Variants in CDIP1 observed in about 807,000 individuals in gnomAD.
CDIP1 encodes the protein cell death inducing p53 target 1.
A neutral mutation model predicts 17.7 loss-of-function variants in CDIP1; 9 were observed. The observed-to-expected ratio is 0.51, with a 90% CI of 0.31 to 0.89. The LOEUF is 0.89. Ranked by LOEUF, CDIP1 falls within the 40% of genes least tolerant of loss-of-function variation. The pLI is 0.05. For synonymous variants in CDIP1, 117 were observed against 109.5 expected, an observed-to-expected ratio of 1.07 and a Z score of -0.43; for missense variants, 263 against 277.9, an observed-to-expected ratio of 0.95 and a Z score of 0.38.
intron 1 of CDIP1, among the ~76,000 whole-genome samples, chr16:4,530,648 C>CAAAAAAAAA (rs71139637): frequency 6.9e-6 from 1 of 143,960 alleles, no homozygotes; most frequent in South Asian, 2.2e-4. Flanking sequence ...GACTCCATCT[C>CAAAAAAAAA]AAAAAAAAAA....
At chr16:4,534,697 T>G (rs960911029) in intron 1 of CDIP1, among the ~76,000 whole-genome samples, 4 of 148,678 alleles carry the variant, frequency 2.7e-5, no homozygotes, top group Non-Finnish European at 4.4e-5. Flanking sequence ...ATGGTTTTTT[T>G]TTTTTTTTTT....
At chr16:4,536,870 C>A (rs1214872582) in intron 1 of CDIP1, 1 of 151,882 alleles carries the variant, frequency 6.6e-6, no homozygotes, top group Middle Eastern at 3.2e-3. Context: ...TTCAAGGCTG[C>A]AGTGAACGTC....
chr16:4,526,729 AAAAAATAAAATAAAAATAAAATT>A (rs1438936897), intron 1 of CDIP1, among the ~76,000 whole-genome samples: 2 of 150,674 alleles, frequency 1.3e-5, no homozygotes, highest in African/African-American at 2.4e-5. Flanking sequence ...AAAATAAAAT[AAAAAATAAAATAAAAATAAAATT>A]AAAAATAAAA....
chr16:4,514,872 C>CCAA lies in CDIP1; in HGVS notation c.-104-209_-104-208insTTG, dbSNP rs552647079. On this transcript the variant is annotated intron_variant, in intron 1 of 5. Transcript: ENST00000567695. The surrounding 1 kb of genome is among the most constrained non-coding windows in gnomAD (Gnocchi z 5.2). ...CTGCTTCCTCCCTCCCCCAGGACTG[C>CCAA]TGGCACCCAAGGGCCACGGCTGGGC... 5.2e-3 allele frequency: 790 copies of CCAA among 153,070 alleles called. 9 individuals carry two copies. The highest frequency in any genetic ancestry group is 0.018 in the African/African-American group (736 of 41,580). 9.5% of individuals were successfully genotyped at this position (153,070 alleles called of 1,614,324 possible).
intron 1 of CDIP1, among the ~76,000 whole-genome samples, chr16:4,530,861 A>T (rs1442974614): frequency 3.3e-5 from 5 of 152,068 alleles, no homozygotes; most frequent in Non-Finnish European, 5.9e-5. Context: ...GAAATAGTAT[A>T]TAGAAGTTTA....
At chr16:4,537,718 C>A (rs554331771) in intron 1 of CDIP1, among the ~76,000 whole-genome samples, 1 of 152,216 alleles carries the variant, frequency 6.6e-6, no homozygotes, top group Non-Finnish European at 1.5e-5. Flanking sequence ...GGAATCTGCC[C>A]GTTTCCCAAG....
intron 1 of CDIP1, among the ~76,000 whole-genome samples, chr16:4,521,202 G>A (rs754422359): frequency 1.3e-5 from 2 of 151,976 alleles, no homozygotes; most frequent in African/African-American, 2.4e-5. Flanking sequence ...GCTTGTTTCC[G>A]CACTGCTCCT....
In CDIP1 at chr16:4,512,658, G is replaced by C; in HGVS notation, c.541C>G (p.Pro181Ala). 6.2e-7 allele frequency: 1 copy of C among 1,613,846 alleles called. No homozygotes were observed. Among genetic ancestry groups the C allele is most frequent in the Non-Finnish European group, 8.5e-7 (1 of 1,179,800 alleles). The change falls in exon 6 of 6, where the codon CCC (proline) becomes GCC (alanine). Residue 181 changes from proline to alanine, a missense_variant. Pro to Ala is a conservative substitution (Grantham distance 27). Coordinates refer to ENST00000567695, the MANE Select transcript of CDIP1 (RefSeq NM_013399.3). The surrounding 1 kb of genome is among the most constrained non-coding windows in gnomAD (Gnocchi z 4.6). ...MGCDLGCCLI[P>A]CLINDFKDVT... ...TCCTTGAAGTCATTGATGAGGCAGG[G>C]GATCAGGCAGCAGCCCAGATCACAT... is the stretch of plus-strand genomic sequence containing the variant.
Position 4,512,857 on chromosome 16 carries a change from G to C in CDIP1, c.449C>G (p.Thr150Ser), listed in dbSNP as rs1292096526. 1 of 1,562,286 alleles carries C rather than the reference G, an allele frequency of 6.4e-7. No homozygotes were observed. ...GCCAATCTCGTAGGAGATCTTGGTG[G>C]TGATGGCCTGCTGGCAGTGGGGACA... Reference protein sequence around the residue: ...TVCPHCQQAITTKISYEIGLM... With the variant: ...TVCPHCQQAISTKISYEIGLM... The change falls in exon 5 of 6, where the codon ACC (threonine) becomes AGC (serine). Residue 150 changes from threonine to serine, a missense_variant. By Grantham distance (58) the Thr-to-Ser change is moderately conservative. Transcript: ENST00000567695. This position sits in a 1 kb window ranked among gnomAD's most constrained non-coding sequence, Gnocchi z 4.6.
chr16:4,534,923 G>T (rs887879717), intron 1 of CDIP1, among the ~76,000 whole-genome samples: 5 of 151,884 alleles, frequency 3.3e-5, no homozygotes, highest in African/African-American at 1.2e-4. Flanking sequence ...TCTCCATGTT[G>T]GTCAGGCTGG....
chr16:4,523,029 T>C (rs2058966617), intron 1 of CDIP1, among the ~76,000 whole-genome samples: 2 of 152,212 alleles, frequency 1.3e-5, no homozygotes, highest in African/African-American at 2.4e-5. Flanking sequence ...GGAGGGGGAC[T>C]GTTACTTGCA....
chr16:4,531,128 A>G (rs1325015335), intron 1 of CDIP1, among the ~76,000 whole-genome samples: 1 of 151,960 alleles, frequency 6.6e-6, no homozygotes, highest in Non-Finnish European at 1.5e-5. Flanking sequence ...TCCCAGGTTC[A>G]CGCAATTCTC....
In CDIP1 at chr16:4,514,465, A is replaced by T. The variant is rs922514133; in HGVS notation, c.-15+110T>A. ...CCCACACGAGAGCAGTTTGGCACCGAGCTCTCCCCTCCCCAAACGTTTAGC... is the reference window on the plus strand; with the variant it reads ...CCCACACGAGAGCAGTTTGGCACCGTGCTCTCCCCTCCCCAAACGTTTAGC... On this transcript the variant is annotated intron_variant, in intron 2 of 5. Transcript: ENST00000567695. This position sits in a 1 kb window ranked among gnomAD's most constrained non-coding sequence, Gnocchi z 5.2. The T allele has an allele frequency of 8.0e-5, 25 of 311,924 alleles. No homozygotes were observed. The highest frequency in any genetic ancestry group is 1.7e-3 in the Middle Eastern group (2 of 1,184). The allele number at this position is 311,924 out of a possible 1,614,324, so 19.3% of individuals were successfully genotyped here.
intron 1 of CDIP1, among the ~76,000 whole-genome samples, chr16:4,530,509 C>A (rs141029925): frequency 0.071 from 10,772 of 151,836 alleles, 700 homozygotes; most frequent in African/African-American, 0.17. Context: ...ATTAGCCGGG[C>A]GTGGTGGCAC....
intron 1 of CDIP1, among the ~76,000 whole-genome samples, chr16:4,528,706 A>AAAT (rs2059025651): frequency 6.7e-6 from 1 of 149,612 alleles, no homozygotes; most frequent in Non-Finnish European, 1.5e-5. Flanking sequence ...AAAAAAAAAA[A>AAAT]GGCTGGCCGC....
intron 1 of CDIP1, among the ~76,000 whole-genome samples, chr16:4,519,439 C>T (rs11076837): frequency 0.54 from 82,768 of 152,066 alleles, 25,897 homozygotes; most frequent in Non-Finnish European, 0.7. Flanking sequence ...TAGCTTGCGA[C>T]CTGCGCTTCT....
At position 4,510,767 on chromosome 16, in the gene CDIP1, G is replaced by A. The variant is rs541774143; in HGVS notation, c.*1805C>T. The A allele has an allele frequency of 5.3e-5, 8 of 152,276 alleles. No individual in the cohort carries two copies. Among genetic ancestry groups the A allele is most frequent in the Admixed American group, 2.0e-4 (3 of 15,300 alleles). 9.4% of individuals were successfully genotyped at this position (152,276 alleles called of 1,614,324 possible). On this transcript the variant is annotated 3_prime_UTR_variant, in exon 6 of 6. Transcript: ENST00000567695. The stretch of plus-strand genomic sequence containing the variant: ...CTGTAAAAGTTTTATTTCAAAAAGG[G>A]TTAAAAAGTAGGGAAACTCTTTAAA...
chr16:4,516,087 T>A (rs1435653386), intron 1 of CDIP1, among the ~76,000 whole-genome samples: 1 of 152,186 alleles, frequency 6.6e-6, no homozygotes, highest in African/African-American at 2.4e-5. Flanking sequence ...GGAAGACGAT[T>A]CGGCTATAAA....
rs1312811930 is a variant in CDIP1 at position 4,510,865 on chromosome 16, A to G, written c.*1707T>C. ...AGATGGCCAGGGCCAGAGGTCGCCC[A>G]GAACCTGCGTGTGCAGACTGCGCTC... is the stretch of plus-strand genomic sequence containing the variant. On this transcript the variant is annotated 3_prime_UTR_variant, in exon 6 of 6. Transcript: ENST00000567695. 2.0e-5 allele frequency: 3 copies of G among 152,266 alleles called. No homozygotes were observed. The allele number at this position is 152,266 out of a possible 1,614,324, so 9.4% of individuals were successfully genotyped here. A position where few individuals can be genotyped will look rare whatever the true frequency, so the allele number is the denominator to read the frequency against.
Sources: gnomAD v4.1 joint callset for allele counts (sites outside exome capture counted in the v4.1 genomes callset) on GRCh38, gnomAD v4.1.1 for gene constraint, Gnocchi (gnomAD v3.1) non-coding constraint, MANE v1.5 for transcripts, NCBI Gene and HGNC (gene_info 2026-07-23, HGNC 2026-07-21) for gene names.